P2RX7: variants seen among roughly 807,000 people sequenced by gnomAD.
P2RX7 encodes P2X purinoceptor 7.
P2RX7 carries 62 observed loss-of-function variants against 71.6 expected under a neutral mutation model. The observed-to-expected ratio is 0.87, with a 90% CI of 0.71 to 1.07. P2RX7 has a LOEUF of 1.07. Ranked by LOEUF, P2RX7 falls within the 50% of genes least tolerant of loss-of-function variation. P2RX7 has a pLI of 0.00. For synonymous variants in P2RX7, 299 were observed against 283.3 expected, an observed-to-expected ratio of 1.06 and a Z score of -0.56; for missense variants, 686 against 748.5, an observed-to-expected ratio of 0.92 and a Z score of 0.97.
At chr12:121,148,992 C>T (rs1007690435) in intron 1 of P2RX7, 20 of 498,098 alleles carry the variant, frequency 4.0e-5, no homozygotes, top group African/African-American at 1.2e-4. Context: ...GTTACCTTTG[C>T]GCTGGAAGCC....
chr12:121,135,711 A>G (rs949779407), intron 1 of P2RX7, among the ~76,000 whole-genome samples: 2 of 151,996 alleles, frequency 1.3e-5, no homozygotes, highest in Non-Finnish European at 2.9e-5. Context: ...AATGATAAAC[A>G]TATATGCTGG....
rs61745024 is a variant in P2RX7 at position 121,162,514 on chromosome 12, C to T, written c.527C>T (p.Ala176Val). Residue 176 changes from alanine (A) to valine (V), a missense_variant, in exon 5 of 13, where the codon GCC becomes GTC. Ala to Val is a moderately conservative substitution (Grantham distance 64). Coordinates refer to ENST00000328963, the MANE Select transcript of P2RX7 (RefSeq NM_002562.6). Reference protein sequence around the residue: ...AWCPIEAVEEAPRPALLNSAE... With the variant: ...AWCPIEAVEEVPRPALLNSAE... ...TGCCCCATCGAGGCAGTGGAAGAGGCCCCCCGGTGAGTCGCATGGGGAGAC... is the reference window on the plus strand; with the variant it reads ...TGCCCCATCGAGGCAGTGGAAGAGGTCCCCCGGTGAGTCGCATGGGGAGAC... 4.9e-5 allele frequency: 79 copies of T among 1,612,114 alleles called. No homozygotes were observed. Among genetic ancestry groups the T allele is most frequent in the Admixed American group, 5.0e-5 (3 of 59,978 alleles).
In P2RX7 at chr12:121,184,889, C is replaced by T. The variant is rs1565983922; in HGVS notation, c.*87C>T. On this transcript the variant is annotated 3_prime_UTR_variant, in exon 13 of 13. Transcript: ENST00000328963. ...CACCTGAGGTCGGGAGTTGGAGACCCGCCTGGCTAACAAGGCGAAATCCTG... is the reference window on the plus strand; with the variant it reads ...CACCTGAGGTCGGGAGTTGGAGACCTGCCTGGCTAACAAGGCGAAATCCTG... The T allele has an allele frequency of 7.4e-6, 8 of 1,082,368 alleles. No individual in the cohort carries two copies. Among genetic ancestry groups the T allele is most frequent in the South Asian group, 1.7e-5 (1 of 60,182 alleles). The allele number at this position is 1,082,368 out of a possible 1,614,324, so 67.0% of individuals were successfully genotyped here.
intron 8 of P2RX7, among the ~76,000 whole-genome samples, chr12:121,171,851 A>ATTGT (rs1882254722): frequency 7.1e-6 from 1 of 140,546 alleles, no homozygotes; most frequent in Non-Finnish European, 1.5e-5. Context: ...ACCCCAAGTG[A>ATTGT]TTCTTTCTTT....
At chr12:121,142,892 C>A (rs1164179452) in intron 1 of P2RX7, among the ~76,000 whole-genome samples, 1 of 151,858 alleles carries the variant, frequency 6.6e-6, no homozygotes, top group East Asian at 1.9e-4. Context: ...AGTTCAAGAC[C>A]AGCCTGGCCA....
chr12:121,174,043 CTTTTCTT>C (rs1406401853), intron 8 of P2RX7, among the ~76,000 whole-genome samples: 2 of 121,280 alleles, frequency 1.6e-5, no homozygotes, highest in Middle Eastern at 4.5e-3. Context: ...TTTTTCTTTT[CTTTTCTT>C]TTTTTTTTTT....
At position 121,176,764 on chromosome 12, in the gene P2RX7, A is replaced by C. The variant is rs564965082; in HGVS notation, c.973-383A>C. Among the ~76,000 whole-genome samples, 82 of 151,748 alleles carry C rather than the reference A, an allele frequency of 5.4e-4. 1 individual carries two copies. The highest frequency in any genetic ancestry group is 1.3e-3 in the African/African-American group (54 of 41,380). On this transcript the variant is annotated intron_variant, in intron 9 of 12. Transcript: ENST00000328963. ...GAGACTCTGTCTCAAAAAAAAAAAAAAAAAAAAACCCACGAGGCCACCCAG... is the reference window on the plus strand; with the variant it reads ...GAGACTCTGTCTCAAAAAAAAAAAACAAAAAAAACCCACGAGGCCACCCAG...
At chr12:121,177,107 C>T in intron 9 of P2RX7, 40 bp from the exon 10 acceptor site, 1 of 1,582,906 alleles carries the variant, frequency 6.3e-7, no homozygotes, top group Non-Finnish European at 8.7e-7. Context: ...GAGCGTTGCT[C>T]TGAATTTCAC....
At position 121,187,526 on chromosome 12, in the gene P2RX7, G is replaced by T. The variant is rs932967053; in HGVS notation, c.*2724G>T. ...GGGCCTTTGTACCTTTGTTTTTGGTGCCTTATTCCTAGTATGTTTCTATCA... is the reference window on the plus strand; with the variant it reads ...GGGCCTTTGTACCTTTGTTTTTGGTTCCTTATTCCTAGTATGTTTCTATCA... On this transcript the variant is annotated 3_prime_UTR_variant, in exon 13 of 13. Transcript: ENST00000328963. 1.3e-5 allele frequency: 2 copies of T among 152,054 alleles called. No individual in the cohort carries two copies. The highest frequency in any genetic ancestry group is 4.8e-5 in the African/African-American group (2 of 41,394). The allele number at this position is 152,054 out of a possible 1,614,324, so 9.4% of individuals were successfully genotyped here. A position where few individuals can be genotyped will look rare whatever the true frequency, so the allele number is the denominator to read the frequency against.
rs763085670 is a variant in P2RX7 at position 121,184,679 on chromosome 12, C to T, written c.1665C>T (p.Thr555=). The T allele has an allele frequency of 1.5e-5, 24 of 1,581,110 alleles. No homozygotes were observed. In the South Asian group the frequency reaches 2.7e-4, roughly 18 times the overall value. ...ACTGTGCCTACAGGTGCTACGCCAC[C>T]TGGCGCTTCGGCTCCCAGGACATGG... The part of the protein sequence containing the change: ...LRHCAYRCYA[T]WRFGSQDMAD... Residue 555 remains threonine, a synonymous_variant, in exon 13 of 13, where the codon ACC becomes ACT. Transcript: ENST00000328963.
chr12:121,164,410 C>A (rs536560332), intron 5 of P2RX7, among the ~76,000 whole-genome samples: 1 of 152,314 alleles, frequency 6.6e-6, no homozygotes, highest in African/African-American at 2.4e-5. Flanking sequence ...ACTGTACATA[C>A]CTGAATGTGT....
chr12:121,171,213 G>A (rs1030947467), intron 8 of P2RX7, among the ~76,000 whole-genome samples: 3 of 152,106 alleles, frequency 2.0e-5, no homozygotes, highest in East Asian at 3.8e-4. Context: ...GGCCACACTC[G>A]CTCTGATGCT....
chr12:121,166,770 G>A (rs1056337354), intron 7 of P2RX7, among the ~76,000 whole-genome samples: 3 of 151,964 alleles, frequency 2.0e-5, no homozygotes, highest in Non-Finnish European at 4.4e-5. Context: ...GGCTGGGCAC[G>A]GTGGCTCATG....
chr12:121,185,657 A>G lies in P2RX7; in HGVS notation c.*855A>G, dbSNP rs937928450. 6.6e-6 allele frequency: 1 copy of G among 152,584 alleles called. No individual in the cohort carries two copies. Among genetic ancestry groups the G allele is most frequent in the African/African-American group, 2.4e-5 (1 of 41,432 alleles). The allele number at this position is 152,584 out of a possible 1,614,324, so 9.5% of individuals were successfully genotyped here. On this transcript the variant is annotated 3_prime_UTR_variant, in exon 13 of 13. Transcript: ENST00000328963. Reference sequence around the variant, plus strand: ...TCTGATTGCTTTATCCAAAAGTGGAAGTGACATTGTGTCAGTTTCAGATCC... The same window carrying G: ...TCTGATTGCTTTATCCAAAAGTGGAGGTGACATTGTGTCAGTTTCAGATCC...
chr12:121,176,692 C>T (rs1418274346), intron 9 of P2RX7, among the ~76,000 whole-genome samples: 2 of 143,862 alleles, frequency 1.4e-5, no homozygotes, highest in African/African-American at 2.6e-5. Context: ...GCGGAGCTTG[C>T]AGTGAGCCGA....
At chr12:121,139,463 C>T (rs1296667492) in intron 1 of P2RX7, among the ~76,000 whole-genome samples, 2 of 152,232 alleles carry the variant, frequency 1.3e-5, no homozygotes, top group Non-Finnish European at 2.9e-5. Flanking sequence ...GCCCAGTCAG[C>T]CTCCACTGGC....
intron 11 of P2RX7, among the ~76,000 whole-genome samples, chr12:121,178,233 A>G (rs1238515025): frequency 6.6e-6 from 1 of 152,240 alleles, no homozygotes; most frequent in Non-Finnish European, 1.5e-5. Flanking sequence ...TTATTAAATT[A>G]TCAATAATAT....
rs755410754 is a variant in P2RX7 at position 121,184,330 on chromosome 12, T to C, written c.1316T>C (p.Leu439Ser). The change falls in exon 13 of 13, where the codon TTG (leucine) becomes TCG (serine). Residue 439 changes from leucine to serine, a missense_variant. Leu to Ser is a moderately radical substitution (Grantham distance 145). Coordinates refer to ENST00000328963, the MANE Select transcript of P2RX7 (RefSeq NM_002562.6). ...AGACCTGCGATGGACTTCACAGATT[T>C]GTCCAGGCTGCCCCTGGCCCTCCAT... ...VPRPAMDFTD[L>S]SRLPLALHDT... 1 of 1,611,338 alleles carries C rather than the reference T, an allele frequency of 6.2e-7. No individual in the cohort carries two copies. Among genetic ancestry groups the C allele is most frequent in the Admixed American group, 1.7e-5 (1 of 59,618 alleles).
At chr12:121,158,084 C>T (rs1434711515) in intron 3 of P2RX7, among the ~76,000 whole-genome samples, 1 of 151,944 alleles carries the variant, frequency 6.6e-6, no homozygotes, top group Admixed American at 6.6e-5. Flanking sequence ...TGGGCATTTG[C>T]CTCCTCTCTG....
Sources: gnomAD v4.1 joint callset for allele counts (sites outside exome capture counted in the v4.1 genomes callset) on GRCh38, gnomAD v4.1.1 for gene constraint, MANE v1.5 for transcripts, NCBI Gene and HGNC (gene_info 2026-07-23, HGNC 2026-07-21) for gene names.